The following PCDHA3 variants were observed in gnomAD, a reference collection of about 807,000 sequenced individuals.
PCDHA3 encodes protocadherin alpha-3.
PCDHA3 carries 41 observed loss-of-function variants against 62.2 expected under a neutral mutation model. The observed-to-expected ratio is 0.66, with a 90% confidence interval of 0.51 to 0.86. PCDHA3 has a LOEUF of 0.86. Among genes scored for constraint, PCDHA3 ranks in the 40% least tolerant of loss-of-function variants. The probability of loss-of-function intolerance (pLI) is 0.00; values close to 1 mark genes in which losing one functional copy is unlikely to be tolerated. For missense variants in PCDHA3, 1,304 were observed against 1,241.2 expected (o/e 1.05, Z -0.76); for synonymous variants, 640 against 555.4 (o/e 1.15, Z -2.14).
chr5:140,879,955 A>G (rs1554171094), intron 1 of PCDHA3, among the ~76,000 whole-genome samples: 1 of 152,206 alleles, frequency 6.6e-6, no homozygotes, highest in Non-Finnish European at 1.5e-5. Context: ...GCCCATCTGG[A>G]TAATCCAGGA....
chr5:140,834,671 C>T (rs142482863), intron 1 of PCDHA3: 2 of 1,614,216 alleles, frequency 1.2e-6, no homozygotes, highest in Non-Finnish European at 1.7e-6. Flanking sequence ...AGGAGCTGTG[C>T]GGGCGGAGCG....
chr5:140,884,468 C>G, intron 1 of PCDHA3: 4 of 1,613,762 alleles, frequency 2.5e-6, no homozygotes, highest in Non-Finnish European at 3.4e-6. Context: ...CGCGTGCGCG[C>G]CGGGCAAGCC....
At chr5:140,827,932 A>G (rs148093365) in intron 1 of PCDHA3, 1 of 1,026,324 alleles carries the variant, frequency 9.7e-7, no homozygotes, top group African/African-American at 1.6e-5. Flanking sequence ...CCATGAAGTT[A>G]TAGCTAGCCA....
intron 1 of PCDHA3, chr5:140,860,474 TA>T (rs1293657242): frequency 6.6e-6 from 1 of 152,154 alleles, no homozygotes; most frequent in African/African-American, 2.4e-5. Context: ...GTTGGTGCAG[TA>T]GTACTTTATT....
chr5:140,929,460 C>A, intron 1 of PCDHA3: 1 of 1,331,154 alleles, frequency 7.5e-7, no homozygotes, highest in Non-Finnish European at 1.0e-6. Context: ...ACTTCCTGTG[C>A]CAAGAAATCT....
intron 1 of PCDHA3, among the ~76,000 whole-genome samples, chr5:140,938,453 G>A (rs558258483): frequency 6.6e-6 from 1 of 151,990 alleles, no homozygotes; most frequent in African/African-American, 2.4e-5. Context: ...AGTTCCCTTT[G>A]TTTTTTAATT....
At chr5:140,901,982 A>G (rs1250710466) in intron 1 of PCDHA3, among the ~76,000 whole-genome samples, 2 of 151,818 alleles carry the variant, frequency 1.3e-5, no homozygotes, top group Non-Finnish European at 1.5e-5. Flanking sequence ...TTACTTTTTA[A>G]TTTCATTTTC....
At position 140,928,712 on chromosome 5, in the gene PCDHA3, G is replaced by A; in HGVS notation, c.2395-50237G>A. 3.1e-6 allele frequency: 5 copies of A among 1,614,168 alleles called. No homozygotes were observed. The highest frequency in any genetic ancestry group is 4.2e-6 in the Non-Finnish European group (5 of 1,180,042). Reference sequence around the variant, plus strand: ...CACATCTCCCGGGCGTCTGACTCTAGTCTCTTTAGAATTTCAGCCAATATA... The same window carrying A: ...CACATCTCCCGGGCGTCTGACTCTAATCTCTTTAGAATTTCAGCCAATATA... On this transcript the variant is annotated intron_variant, in intron 1 of 3. Coordinates refer to ENST00000522353, the MANE Select transcript of PCDHA3 (RefSeq NM_018906.3).
intron 1 of PCDHA3, among the ~76,000 whole-genome samples, chr5:140,910,495 T>C (rs782513326): frequency 1.3e-5 from 2 of 152,176 alleles, no homozygotes; most frequent in Non-Finnish European, 2.9e-5. Flanking sequence ...AGAAGAGCAA[T>C]CACAAAGCTC....
chr5:140,879,875 C>T (rs1040496825), intron 1 of PCDHA3, among the ~76,000 whole-genome samples: 39 of 152,326 alleles, frequency 2.6e-4, no homozygotes, highest in African/African-American at 8.7e-4. Flanking sequence ...TTCATGGTCA[C>T]ATTGCCTCCT....
chr5:140,843,109 A>C (rs2150352812), intron 1 of PCDHA3: 9 of 1,595,800 alleles, frequency 5.6e-6, no homozygotes, highest in Non-Finnish European at 6.9e-6. Flanking sequence ...AGGTGCGCGC[A>C]GTGGACGCCG....
At chr5:140,892,850 A>G (rs2063700618) in intron 1 of PCDHA3, among the ~76,000 whole-genome samples, 1 of 152,104 alleles carries the variant, frequency 6.6e-6, no homozygotes, top group Non-Finnish European at 1.5e-5. Flanking sequence ...ACCACAACCC[A>G]TTCCTCCTGT....
At chr5:140,967,944 A>T in intron 1 of PCDHA3, 1 of 1,614,088 alleles carries the variant, frequency 6.2e-7, no homozygotes, top group Non-Finnish European at 8.5e-7. Flanking sequence ...AATGACCAAG[A>T]CTCAGGCCCC....
Position 140,802,994 on chromosome 5 carries a change from A to C in PCDHA3, c.1797A>C (p.Ala599=). Residue 599 remains alanine (A), a synonymous_variant, in exon 1 of 4, where the codon GCA becomes GCC. Transcript: ENST00000522353. ...TAGCGAAGGTGCGCGCAGTGGATGC[A>C]GACTCAGGCTACAACGCGTGGCTTT... ...HVVAKVRAVD[A]DSGYNAWLSY... 1 of 1,614,016 alleles carries C rather than the reference A, an allele frequency of 6.2e-7. No homozygotes were observed. The highest frequency in any genetic ancestry group is 8.5e-7 in the Non-Finnish European group (1 of 1,179,920).
rs1041810006 is a variant in PCDHA3, at chr5:140,826,282, C to T, written c.2394+22691C>T. Among the ~76,000 whole-genome samples the T allele has an allele frequency of 1.1e-4, 16 of 152,038 alleles. 2 individuals carry two copies. Among genetic ancestry groups the T allele is most frequent in the Admixed American group, 5.2e-4 (8 of 15,262 alleles). ...AAGTCTTTATGTATATTTTGTGCAGCTTGTCTTTTTTATAGGAACCTCTTG... is the reference window on the plus strand; with the variant it reads ...AAGTCTTTATGTATATTTTGTGCAGTTTGTCTTTTTTATAGGAACCTCTTG... On this transcript the variant is annotated intron_variant, in intron 1 of 3. Transcript: ENST00000522353.
chr5:140,806,820 A>G (rs1013977345), intron 1 of PCDHA3: 14 of 228,540 alleles, frequency 6.1e-5, no homozygotes, highest in African/African-American at 2.7e-4. Flanking sequence ...AGTTGCCCCT[A>G]TGGCGAAACT....
rs2149963151 is a variant in PCDHA3, at chr5:140,802,746, G to T, written c.1549G>T (p.Val517Leu). 18 of 1,612,620 alleles carry T rather than the reference G, an allele frequency of 1.1e-5. No individual in the cohort carries two copies. The highest frequency in any genetic ancestry group is 1.5e-5 in the Non-Finnish European group (18 of 1,179,810). The change falls in exon 1 of 4, where the codon GTG (valine) becomes TTG (leucine). Residue 517 changes from valine (V) to leucine (L), a missense_variant. Coordinates refer to ENST00000522353, the MANE Select transcript of PCDHA3 (RefSeq NM_018906.3). ...YVSVHAESGK[V>L]YALQPLDHEE... is the part of the protein sequence containing the mutation. ...GTCGGTACACGCGGAGAGCGGCAAGGTGTACGCGCTGCAGCCGCTGGACCA... is the reference window on the plus strand; with the variant it reads ...GTCGGTACACGCGGAGAGCGGCAAGTTGTACGCGCTGCAGCCGCTGGACCA...
chr5:140,976,897 T>C (rs2096736712), intron 1 of PCDHA3, among the ~76,000 whole-genome samples: 1 of 152,220 alleles, frequency 6.6e-6, no homozygotes, highest in Admixed American at 6.5e-5. Flanking sequence ...CATGCAACAG[T>C]ATGTAATAAA....
intron 1 of PCDHA3, chr5:140,884,458 C>A: frequency 6.2e-7 from 1 of 1,613,736 alleles, no homozygotes; most frequent in Non-Finnish European, 8.5e-7. Flanking sequence ...CCACCGAGGG[C>A]GCGTGCGCGC....
Sources: allele counts gnomAD v4.1 joint callset (sites outside exome capture counted in the v4.1 genomes callset), GRCh38; gene constraint gnomAD v4.1.1; transcripts MANE v1.5; gene names NCBI Gene and HGNC (gene_info 2026-07-23, HGNC 2026-07-21).